PPP2R2B: variants seen among roughly 807,000 people sequenced by gnomAD.
PPP2R2B encodes serine/threonine-protein phosphatase 2A 55 kDa regulatory subunit B beta isoform.
Under a neutral mutation model 46.0 loss-of-function variants are expected in PPP2R2B, and 5 were observed. The observed-to-expected ratio is 0.11, with a 90% CI of 0.06 to 0.23. The LOEUF is 0.23. Among genes scored for constraint, PPP2R2B ranks in the 10% least tolerant of loss-of-function variants. The pLI is 1.00. For missense variants in PPP2R2B, 367 were observed against 575.0 expected (o/e 0.64, Z 3.70); for synonymous variants, 215 against 206.7 (o/e 1.04, Z -0.34).
intron 5 of PPP2R2B, among the ~76,000 whole-genome samples, chr5:146,678,206 G>T (rs1290207605): frequency 6.6e-6 from 1 of 152,124 alleles, no homozygotes; most frequent in Non-Finnish European, 1.5e-5. Flanking sequence ...GATCAAGTGG[G>T]CTTCATCCCT....
chr5:146,966,324 T>C (rs1252598161), intron 1 of PPP2R2B, among the ~76,000 whole-genome samples: 1 of 152,168 alleles, frequency 6.6e-6, no homozygotes, highest in African/African-American at 2.4e-5. Flanking sequence ...GGCTGTTGTG[T>C]CCATCTTGTC....
At chr5:147,081,019 C>G (rs1336647532) in intron 2 of PPP2R2B, 1 of 1,510,968 alleles carries the variant, frequency 6.6e-7, no homozygotes. Context: ...AGCACAAACT[C>G]CCAAGGAGGC....
intron 5 of PPP2R2B, among the ~76,000 whole-genome samples, chr5:146,675,208 C>T (rs1165705121): frequency 6.6e-6 from 1 of 152,164 alleles, no homozygotes; most frequent in East Asian, 1.9e-4. Flanking sequence ...GATCCACCCG[C>T]CTCAGCCTCC....
At chr5:146,833,958 T>C (rs1759118136) in intron 2 of PPP2R2B, among the ~76,000 whole-genome samples, 1 of 152,214 alleles carries the variant, frequency 6.6e-6, no homozygotes, top group African/African-American at 2.4e-5. Context: ...AAGAAGTGAC[T>C]GCCACTTCCA....
intron 1 of PPP2R2B, among the ~76,000 whole-genome samples, chr5:147,055,464 T>G (rs994840699): frequency 2.0e-5 from 3 of 152,258 alleles, no homozygotes; most frequent in African/African-American, 7.2e-5. Flanking sequence ...AACATTATTC[T>G]GTTCTTCAGA....
intron 1 of PPP2R2B, among the ~76,000 whole-genome samples, chr5:146,954,653 T>C (rs1438420067): frequency 6.6e-6 from 1 of 151,664 alleles, no homozygotes; most frequent in African/African-American, 2.4e-5. Flanking sequence ...CAATAACCTA[T>C]GAAAATAAAA....
intron 2 of PPP2R2B, among the ~76,000 whole-genome samples, chr5:146,744,123 G>C (rs1753036603): frequency 6.6e-6 from 1 of 152,138 alleles, no homozygotes; most frequent in Non-Finnish European, 1.5e-5. Flanking sequence ...ATAGATGCTT[G>C]CTCCTTCCTC....
chr5:146,645,539 C>G (rs1775525869), intron 6 of PPP2R2B, among the ~76,000 whole-genome samples: 1 of 152,146 alleles, frequency 6.6e-6, no homozygotes, highest in Admixed American at 6.5e-5. Context: ...CCCCTGGAAG[C>G]CTGCCTGGCA....
intron 2 of PPP2R2B, among the ~76,000 whole-genome samples, chr5:146,814,436 T>C (rs1343853598): frequency 6.6e-6 from 1 of 152,170 alleles, no homozygotes; most frequent in Non-Finnish European, 1.5e-5. Context: ...CAGGTGATGG[T>C]CAGGCAGTGT....
chr5:146,713,071 A>C (rs1487430490), intron 2 of PPP2R2B, among the ~76,000 whole-genome samples: 3 of 152,220 alleles, frequency 2.0e-5, no homozygotes, highest in Non-Finnish European at 4.4e-5. Flanking sequence ...TAAGGAAAAC[A>C]AATAGAGCTG....
intron 2 of PPP2R2B, among the ~76,000 whole-genome samples, chr5:146,788,043 G>A (rs1375872612): frequency 6.6e-6 from 1 of 152,102 alleles, no homozygotes; most frequent in East Asian, 1.9e-4. Context: ...AACTGAGCAG[G>A]CTTGGTGGAA....
intron 5 of PPP2R2B, among the ~76,000 whole-genome samples, chr5:146,690,148 G>A (rs1025392712): frequency 1.3e-5 from 2 of 152,128 alleles, no homozygotes; most frequent in Non-Finnish European, 2.9e-5. Flanking sequence ...AGAGCTGCTG[G>A]TGTCTGAAAT....
intron 2 of PPP2R2B, among the ~76,000 whole-genome samples, chr5:146,742,133 G>A (rs780709071): frequency 6.6e-6 from 1 of 152,142 alleles, no homozygotes; most frequent in African/African-American, 2.4e-5. Flanking sequence ...AGAATTACTG[G>A]CTAACCATCT....
upstream of PPP2R2B, among the ~76,000 whole-genome samples, chr5:147,057,660 C>T (rs545755790): frequency 5.1e-4 from 78 of 152,324 alleles, no homozygotes; most frequent in African/African-American, 1.8e-3. Context: ...ATTGCAGGCA[C>T]GTGATAAACT....
intron 1 of PPP2R2B, among the ~76,000 whole-genome samples, chr5:146,979,817 G>A (rs1265349033): frequency 6.6e-6 from 1 of 152,058 alleles, no homozygotes; most frequent in Non-Finnish European, 1.5e-5. Context: ...TGTAATAAAA[G>A]TTATGTGAAT....
chr5:147,047,497 G>A (rs1331423896), intron 1 of PPP2R2B, among the ~76,000 whole-genome samples: 2 of 151,878 alleles, frequency 1.3e-5, no homozygotes, highest in East Asian at 3.9e-4. Flanking sequence ...GATTTCTGAG[G>A]CCTCTACTAA....
chr5:146,751,695 C>A (rs964372786), intron 2 of PPP2R2B: 1 of 152,182 alleles, frequency 6.6e-6, no homozygotes, highest in Non-Finnish European at 1.5e-5. Context: ...TAGATAATAT[C>A]CTGCCTTGTG....
At chr5:146,733,256 T>C (rs1429841290) in intron 2 of PPP2R2B, among the ~76,000 whole-genome samples, 2 of 152,170 alleles carry the variant, frequency 1.3e-5, no homozygotes, top group Non-Finnish European at 2.9e-5. Flanking sequence ...ATTTCCAAAG[T>C]ACAGGGCTGG....
chr5:146,976,289 C>T (rs1752902526), intron 1 of PPP2R2B, among the ~76,000 whole-genome samples: 1 of 151,766 alleles, frequency 6.6e-6, no homozygotes, highest in African/African-American at 2.4e-5. Flanking sequence ...AGGCATGCAC[C>T]ACTACGCCCA....
Sources: gnomAD v4.1 joint callset for allele counts (sites outside exome capture counted in the v4.1 genomes callset) on GRCh38, gnomAD v4.1.1 for gene constraint, MANE v1.5 for transcripts, NCBI Gene and HGNC (gene_info 2026-07-23, HGNC 2026-07-21) for gene names.